HSD11B1: variants seen among roughly 807,000 people sequenced by gnomAD.
HSD11B1 encodes hydroxysteroid 11-beta dehydrogenase 1, also known as 11-beta-hydroxysteroid dehydrogenase 1.
Under a neutral mutation model 22.1 loss-of-function variants are expected in HSD11B1, and 15 were observed. The observed-to-expected ratio is 0.68, with a 90% CI of 0.45 to 1.04. The LOEUF is 1.04. Among genes scored for constraint, HSD11B1 ranks in the 50% least tolerant of loss-of-function variants. HSD11B1 has a pLI of 0.00. For missense variants in HSD11B1, 281 were observed against 357.6 expected (o/e 0.79, Z 1.73); for synonymous variants, 122 against 125.2 (o/e 0.97, Z 0.17).
intron 4 of HSD11B1, among the ~76,000 whole-genome samples, chr1:209,727,016 C>T (rs2077006644): frequency 1.3e-5 from 2 of 152,080 alleles, no homozygotes; most frequent in African/African-American, 4.8e-5. Context: ...GTGAACGTGA[C>T]CTTAAGTGGA....
intron 4 of HSD11B1, among the ~76,000 whole-genome samples, chr1:209,728,722 C>G (rs959416168): frequency 2.0e-5 from 3 of 152,174 alleles, no homozygotes; most frequent in Admixed American, 6.6e-5. Context: ...AATGAGATAG[C>G]TGCAGCAATT....
chr1:209,721,758 G>A (rs555122051), intron 4 of HSD11B1, among the ~76,000 whole-genome samples: 29 of 151,958 alleles, frequency 1.9e-4, no homozygotes, highest in African/African-American at 6.8e-4. Flanking sequence ...CCCATCCACA[G>A]GATCCACACT....
intron 1 of HSD11B1, 25 bp downstream of exon 1, chr1:209,705,055 G>T: frequency 6.4e-7 from 1 of 1,572,154 alleles, no homozygotes; most frequent in Non-Finnish European, 8.8e-7. Flanking sequence ...GTCTCATTTT[G>T]GAGGAATAGG....
In HSD11B1 at chr1:209,734,799, A is replaced by G. The variant is rs949212542; in HGVS notation, c.*278A>G. 1 of 191,034 alleles carries G rather than the reference A, an allele frequency of 5.2e-6. No individual in the cohort carries two copies. The highest frequency in any genetic ancestry group is 1.1e-5 in the Non-Finnish European group (1 of 91,920). The allele number at this position is 191,034 out of a possible 1,614,324, so 11.8% of individuals were successfully genotyped here. A position where few individuals can be genotyped will look rare whatever the true frequency, so the allele number is the denominator to read the frequency against. The stretch of plus-strand genomic sequence containing the variant: ...ATATTAAATTTATATCTTATATATA[A>G]TAATATGTGATGATTAATACAATAT... On this transcript the variant is annotated 3_prime_UTR_variant, in exon 6 of 6. Transcript: ENST00000367027.
At chr1:209,694,424 G>A (rs1044524291) in intron 1 of HSD11B1, among the ~76,000 whole-genome samples, 1 of 152,228 alleles carries the variant, frequency 6.6e-6, no homozygotes, top group Non-Finnish European at 1.5e-5. Context: ...GCAATGATTA[G>A]AGAAATGCCT....
At position 209,706,739 on chromosome 1, in the gene HSD11B1, G is replaced by C. The variant is rs1558190532; in HGVS notation, c.250G>C (p.Ala84Pro). 1 of 1,613,904 alleles carries C rather than the reference G, an allele frequency of 6.2e-7. No homozygotes were observed. The change falls in exon 3 of 6, where the codon GCC becomes CCC. Residue 84 changes from alanine to proline, a missense_variant. Transcript: ENST00000367027. This position sits in a 1 kb window ranked among gnomAD's most constrained non-coding sequence, Gnocchi z 4.0. ...VVSHCLELGAASAHYIAGTME... is the reference protein window; with the variant it reads ...VVSHCLELGAPSAHYIAGTME... ...ATCCCACTGCCTGGAGCTTGGAGCA[G>C]CCTCAGCACACTACATTGCTGGCAC...
At chr1:209,688,099 C>T (rs972592141) in intron 1 of HSD11B1, among the ~76,000 whole-genome samples, 19 of 152,318 alleles carry the variant, frequency 1.2e-4, no homozygotes, top group African/African-American at 4.1e-4. Flanking sequence ...TCTGGAGAGA[C>T]ATGGCTAGTT....
chr1:209,688,419 T>C (rs1254468628), intron 1 of HSD11B1, among the ~76,000 whole-genome samples: 1 of 152,230 alleles, frequency 6.6e-6, no homozygotes, highest in Non-Finnish European at 1.5e-5. Flanking sequence ...TCTGACTTAC[T>C]TGCCAACTTT....
chr1:209,717,010 C>G (rs931329794), intron 4 of HSD11B1, among the ~76,000 whole-genome samples: 1 of 152,108 alleles, frequency 6.6e-6, no homozygotes, highest in Non-Finnish European at 1.5e-5. Context: ...TATTTTATGA[C>G]TAAGACCCCA....
intron 4 of HSD11B1, among the ~76,000 whole-genome samples, chr1:209,726,333 T>TG (rs1363480521): frequency 1.3e-5 from 2 of 149,454 alleles, no homozygotes; most frequent in Non-Finnish European, 3.0e-5. Flanking sequence ...CTTGGCACAG[T>TG]GGCTCATGCC....
intron 4 of HSD11B1, among the ~76,000 whole-genome samples, chr1:209,729,308 G>A (rs1039067524): frequency 1.3e-5 from 2 of 151,736 alleles, no homozygotes; most frequent in African/African-American, 4.8e-5. Flanking sequence ...GCAGTGAGCC[G>A]AGATCATGCC....
At chr1:209,731,063 C>T (rs1351391118) in intron 4 of HSD11B1, among the ~76,000 whole-genome samples, 2 of 152,150 alleles carry the variant, frequency 1.3e-5, no homozygotes, top group African/African-American at 4.8e-5. Flanking sequence ...ACATGAATAG[C>T]TAGAAGGAAG....
chr1:209,704,840 G>A (rs559976786), upstream of HSD11B1: 1 of 860,970 alleles, frequency 1.2e-6, no homozygotes, highest in East Asian at 2.5e-5. Context: ...CCCCGTCCCT[G>A]ATGTCACAAT....
At chr1:209,690,554 G>A (rs1324177932) in intron 1 of HSD11B1, among the ~76,000 whole-genome samples, 5 of 151,852 alleles carry the variant, frequency 3.3e-5, no homozygotes, top group African/African-American at 4.8e-5. Context: ...AAAATTAGCC[G>A]AGCATGGTGG....
At position 209,731,207 on chromosome 1, in the gene HSD11B1, T is replaced by G. The variant is rs145818118; in HGVS notation, c.518-1229T>G. ...TGTTCTCTGAACAATGCATGGGCAATGCAGAAACCAAGCAGCCAAGTTAAG... is the reference window on the plus strand; with the variant it reads ...TGTTCTCTGAACAATGCATGGGCAAGGCAGAAACCAAGCAGCCAAGTTAAG... On this transcript the variant is annotated intron_variant, in intron 4 of 5. Transcript: ENST00000367027. 2.7e-3 allele frequency among the ~76,000 whole-genome samples: 413 copies of G among 152,274 alleles called. 1 individual carries two copies. The highest frequency in any genetic ancestry group is 4.2e-3 in the Non-Finnish European group (287 of 68,024).
At chr1:209,710,715 A>G (rs891522248) in intron 4 of HSD11B1, among the ~76,000 whole-genome samples, 2 of 152,240 alleles carry the variant, frequency 1.3e-5, no homozygotes, top group African/African-American at 4.8e-5. Context: ...TGGACATCAC[A>G]AAAGACTCAG....
intron 4 of HSD11B1, among the ~76,000 whole-genome samples, chr1:209,719,795 C>G (rs2076954538): frequency 6.6e-6 from 1 of 152,242 alleles, no homozygotes; most frequent in Admixed American, 6.5e-5. Flanking sequence ...TTAATCCACT[C>G]TATCATTGAT....
At chr1:209,731,986 T>G (rs1433784636) in intron 4 of HSD11B1, among the ~76,000 whole-genome samples, 1 of 152,178 alleles carries the variant, frequency 6.6e-6, no homozygotes, top group Non-Finnish European at 1.5e-5. Flanking sequence ...AGATTATAGG[T>G]GTGAGCCACC....
chr1:209,699,305 C>A (rs1480263062), intron 1 of HSD11B1, among the ~76,000 whole-genome samples: 1 of 152,038 alleles, frequency 6.6e-6, no homozygotes, highest in Non-Finnish European at 1.5e-5. Context: ...AAAGACATAC[C>A]TGAAACTGGG....
Sources: gnomAD v4.1 joint callset for allele counts (sites outside exome capture counted in the v4.1 genomes callset) on GRCh38, gnomAD v4.1.1 for gene constraint, Gnocchi (gnomAD v3.1) non-coding constraint, MANE v1.5 for transcripts, NCBI Gene and HGNC (gene_info 2026-07-23, HGNC 2026-07-21) for gene names.